Variants in SYNE2 observed in about 807,000 individuals in gnomAD.
The protein encoded by SYNE2 is spectrin repeat containing nuclear envelope protein 2.
Under a neutral mutation model 856.3 loss-of-function variants are expected in SYNE2, and 431 were observed. The observed-to-expected ratio is 0.50, with a 90% CI of 0.47 to 0.55. SYNE2 has a LOEUF of 0.55. SYNE2 is among the 20% of genes least tolerant of loss of function. SYNE2 has a pLI of 0.00. For synonymous variants in SYNE2, 2,923 were observed against 2,872.3 expected, an observed-to-expected ratio of 1.02 and a Z score of -0.56; for missense variants, 8,129 against 8,023.2, an observed-to-expected ratio of 1.01 and a Z score of -0.50.
intron 30 of SYNE2, among the ~76,000 whole-genome samples, chr14:64,004,576 C>A (rs548991504): frequency 6.6e-6 from 1 of 152,098 alleles, no homozygotes; most frequent in African/African-American, 2.4e-5. Context: ...GTCATCCACC[C>A]GCTTTAACCT....
At chr14:64,068,296 T>C (rs759167330) in intron 51 of SYNE2, among the ~76,000 whole-genome samples, 5 of 152,204 alleles carry the variant, frequency 3.3e-5, no homozygotes, top group Admixed American at 1.3e-4. Flanking sequence ...GTGCCTTCCA[T>C]AACCTCCAGC....
chr14:63,935,283 G>A (rs915642668), intron 2 of SYNE2, among the ~76,000 whole-genome samples: 2 of 152,160 alleles, frequency 1.3e-5, no homozygotes, highest in African/African-American at 2.4e-5. Flanking sequence ...CCTATAAAGT[G>A]TATATCAGTA....
intron 63 of SYNE2, among the ~76,000 whole-genome samples, chr14:64,101,124 G>A (rs1285171236): frequency 6.6e-6 from 1 of 152,098 alleles, no homozygotes; most frequent in Non-Finnish European, 1.5e-5. Context: ...TGGGAGTGCA[G>A]ACATCTCTTT....
intron 1 of SYNE2, among the ~76,000 whole-genome samples, chr14:63,772,575 C>G (rs1316109274): frequency 6.6e-6 from 1 of 151,412 alleles, no homozygotes; most frequent in African/African-American, 2.4e-5. Context: ...AACCCCATCT[C>G]CACCAAAAAT....
At chr14:64,059,963 G>C (rs953452205) in intron 49 of SYNE2, among the ~76,000 whole-genome samples, 9 of 152,134 alleles carry the variant, frequency 5.9e-5, no homozygotes, top group African/African-American at 2.2e-4. Context: ...AGTACTGCCA[G>C]GGTACTACTC....
At chr14:64,044,663 TG>T (rs367669554) in intron 45 of SYNE2, among the ~76,000 whole-genome samples, 12 of 152,268 alleles carry the variant, frequency 7.9e-5, no homozygotes, top group African/African-American at 2.9e-4. Flanking sequence ...GATTGAATTA[TG>T]GGGGTGGATC....
chr14:64,001,852 A>G (rs1366950955), intron 28 of SYNE2, 82 bp from the exon 29 acceptor site: 1 of 1,425,738 alleles, frequency 7.0e-7, no homozygotes, highest in East Asian at 2.3e-5. Flanking sequence ...TTCTGTTCTT[A>G]GTTCAGTAAT....
intron 1 of SYNE2, among the ~76,000 whole-genome samples, chr14:63,843,918 A>C (rs1436278443): frequency 6.6e-6 from 1 of 152,216 alleles, no homozygotes; most frequent in Non-Finnish European, 1.5e-5. Flanking sequence ...TGGAAAGTAC[A>C]GAGCATTCCC....
In SYNE2 at chr14:63,827,625, C is replaced by CAA. The variant is rs11334415; in HGVS notation, c.-304-24846_-304-24845dup. On this transcript the variant is annotated intron_variant, in intron 1 of 23. Coordinates refer to the SYNE2 transcript ENST00000674003. Reference sequence around the variant, plus strand: ...GGGCAACAAGATTGAAACTCTGTCTCAAAAAAAAAAAAAAAAAAAAAAAAA... The same window carrying CAA: ...GGGCAACAAGATTGAAACTCTGTCTCAAAAAAAAAAAAAAAAAAAAAAAAAAA... Among the ~76,000 whole-genome samples the CAA allele has an allele frequency of 8.2e-3, 234 of 28,396 alleles. 21 individuals carry two copies. Among genetic ancestry groups the CAA allele is most frequent in the East Asian group, 0.01 (5 of 492 alleles). The allele number at this position is 28,396 out of a possible 152,430, so 18.6% of individuals were successfully genotyped here.
At chr14:64,174,827 A>G (rs1262419636) in intron 94 of SYNE2, 117 bp from the exon 95 acceptor site, 7 of 932,470 alleles carry the variant, frequency 7.5e-6, no homozygotes, top group South Asian at 3.0e-5. Context: ...CAATTTGTCT[A>G]ATTTATATCT....
intron 1 of SYNE2, among the ~76,000 whole-genome samples, chr14:63,783,736 C>A (rs1042990498): frequency 6.6e-6 from 1 of 152,076 alleles, no homozygotes; most frequent in African/African-American, 2.4e-5. Flanking sequence ...GCCTTTATAA[C>A]TGCCAGAAAA....
At chr14:64,100,531 A>AAT (rs1204839640) in intron 63 of SYNE2, among the ~76,000 whole-genome samples, 617 of 39,408 alleles carry the variant, frequency 0.016, 13 homozygotes, top group Middle Eastern at 0.04. Context: ...AAAAAAAAAA[A>AAT]ATATATATAT....
intron 96 of SYNE2, 72 bp from the exon 97 acceptor site, chr14:64,186,352 T>G: frequency 6.3e-7 from 1 of 1,595,216 alleles, no homozygotes; most frequent in Non-Finnish European, 8.6e-7. Flanking sequence ...ATCAAAGGAT[T>G]AGCCTACAGG....
chr14:63,998,237 A>T lies in SYNE2; in HGVS notation c.3262A>T (p.Lys1088Ter). ...CCCTTAGGCAATGGAACCCACTATG[A>T]AGTTTAGCCTGGCATCAGTGTTAAG... ...STEKAMEPTMKFSLASVLRPL... is the reference protein window; with the variant it reads ...STEKAMEPTM Residue 1088 changes from lysine (K) to a stop codon, truncating the protein, a stop_gained, in exon 26 of 116, where the codon AAG (lysine) becomes TAG (stop). Transcript: ENST00000555002. LOFTEE classifies it high-confidence loss of function. 6.2e-7 allele frequency: 1 copy of T among 1,613,724 alleles called. No individual in the cohort carries two copies. Among genetic ancestry groups the T allele is most frequent in the Non-Finnish European group, 8.5e-7 (1 of 1,179,684 alleles).
At chr14:63,780,346 A>T (rs552244061) in intron 1 of SYNE2, among the ~76,000 whole-genome samples, 104 of 152,100 alleles carry the variant, frequency 6.8e-4, no homozygotes, top group Admixed American at 1.8e-3. Flanking sequence ...CCAGCCTGGC[A>T]AACATGGCGA....
chr14:64,170,151 G>T, intron 93 of SYNE2, 77 bp from the exon 94 acceptor site: 1 of 1,361,686 alleles, frequency 7.3e-7, no homozygotes, highest in South Asian at 1.2e-5. Flanking sequence ...AACTGAATCT[G>T]AGCTGCTATT....
upstream of SYNE2, chr14:63,848,455 A>G (rs763502968): frequency 6.6e-6 from 1 of 152,186 alleles, no homozygotes; most frequent in African/African-American, 2.4e-5. Context: ...CTGACAGAGA[A>G]ATGTTAATGT....
intron 9 of SYNE2, 104 bp downstream of exon 9, chr14:63,961,729 G>T: frequency 1.2e-6 from 1 of 820,976 alleles, no homozygotes. Flanking sequence ...TAAATGTACA[G>T]TTTAATGAGC....
At chr14:64,085,000 C>A (rs1307155711) in intron 57 of SYNE2, 15 of 702,222 alleles carry the variant, frequency 2.1e-5, no homozygotes, top group Non-Finnish European at 3.4e-5. Context: ...TGCCTCACAC[C>A]ATGGCAGCTG....
Sources: gnomAD v4.1 joint callset for allele counts (sites outside exome capture counted in the v4.1 genomes callset) on GRCh38, gnomAD v4.1.1 for gene constraint, MANE v1.5 for transcripts, NCBI Gene and HGNC (gene_info 2026-07-23, HGNC 2026-07-21) for gene names.